Variants in RYR2 observed in about 807,000 individuals in gnomAD.
The protein encoded by RYR2 is cardiac muscle ryanodine receptor-calcium release channel.
In RYR2, 227 loss-of-function variants were observed where a neutral mutation model predicts 601.1. That is an observed-to-expected ratio of 0.38 (90% CI 0.34 to 0.42). The LOEUF is 0.42. Ranked by LOEUF, RYR2 falls within the 10% of genes least tolerant of loss-of-function variation. The pLI is 1.00. For missense variants in RYR2, 4,646 were observed against 6,156.5 expected (o/e 0.75, Z 8.21); for synonymous variants, 2,223 against 2,175.1 (o/e 1.02, Z -0.61).
chr1:237,303,212 T>C (rs1693532865), intron 2 of RYR2, among the ~76,000 whole-genome samples: 2 of 152,076 alleles, frequency 1.3e-5, no homozygotes. Context: ...TGATAACATA[T>C]TGCTTTGGTT....
chr1:237,548,511 T>G lies in RYR2; in HGVS notation c.2987T>G (p.Val996Gly). Reference protein sequence around the residue: ...IKLTPSQEAMVDKLAENAHNV... With the variant: ...IKLTPSQEAMGDKLAENAHNV... ...CTCACCCCATCACAAGAAGCAATGG[T>G]GGACAAGTTGGCAGAAAATGCACAT... Residue 996 changes from valine to glycine, a missense_variant, in exon 26 of 105, where the codon GTG becomes GGG. This residue lies in a region of RYR2 where 1,807 missense variants were observed against 2,088.1 expected (regional missense o/e 0.87). Transcript: ENST00000366574. 6.2e-7 allele frequency: 1 copy of G among 1,613,968 alleles called. No individual in the cohort carries two copies. The highest frequency in any genetic ancestry group is 8.5e-7 in the Non-Finnish European group (1 of 1,179,876).
intron 2 of RYR2, among the ~76,000 whole-genome samples, chr1:237,327,742 C>A (rs1696303790): frequency 6.6e-6 from 1 of 152,126 alleles, no homozygotes; most frequent in African/African-American, 2.4e-5. Flanking sequence ...ATTTTAAGTT[C>A]TTTTTATATT....
chr1:237,729,923 C>T (rs889385102), intron 76 of RYR2, among the ~76,000 whole-genome samples: 7 of 152,178 alleles, frequency 4.6e-5, no homozygotes, highest in East Asian at 1.9e-4. Flanking sequence ...CTAATCAATG[C>T]GATTTACATC....
At chr1:237,790,584 T>C (rs1157669717) in intron 92 of RYR2, among the ~76,000 whole-genome samples, 4 of 152,188 alleles carry the variant, frequency 2.6e-5, no homozygotes, top group Admixed American at 2.6e-4. Context: ...ACTGGAATAT[T>C]ACATTTATTA....
chr1:237,511,851 A>AAC, intron 24 of RYR2, 60 bp downstream of exon 24: 2 of 858,554 alleles, frequency 2.3e-6, no homozygotes, highest in Non-Finnish European at 3.2e-6. Flanking sequence ...AAAAAAAAAA[A>AAC]AAAAAAAACA....
intron 1 of RYR2, among the ~76,000 whole-genome samples, chr1:237,058,746 C>T (rs1662478597): frequency 6.7e-6 from 1 of 148,672 alleles, no homozygotes; most frequent in Non-Finnish European, 1.5e-5. Flanking sequence ...CCGGAGACTT[C>T]ACCATCTTCT....
In RYR2 at chr1:237,294,458, A is replaced by C. The variant is rs1692550096; in HGVS notation, c.168+23842A>C. 2.0e-5 allele frequency among the ~76,000 whole-genome samples: 3 copies of C among 152,188 alleles called. No individual in the cohort carries two copies. The South Asian group carries it at 6.2e-4, about 32-fold the overall frequency. ...CTTTGATAAGAAAAAAAAAAACCCA[A>C]ATCTCAATGGCTTTCAATACAGTGG... On this transcript the variant is annotated intron_variant, in intron 2 of 104. Transcript: ENST00000366574.
rs2102830805 is a variant in RYR2 at position 237,819,540 on chromosome 1, T to A, written c.14590+348T>A. ...TAACCCTTTAAACTTCTAAGCCAGC[T>A]GGGTGCGGTGGCTCATGCCTGTAAT... On this transcript the variant is annotated intron_variant, in intron 101 of 104. Coordinates refer to ENST00000366574, the MANE Select transcript of RYR2 (RefSeq NM_001035.3). This position sits in a 1 kb window ranked among gnomAD's most constrained non-coding sequence, Gnocchi z 4.0. 6.6e-6 allele frequency among the ~76,000 whole-genome samples: 1 copy of A among 152,282 alleles called. No homozygotes were observed. The highest frequency in any genetic ancestry group is 2.1e-4 in the South Asian group (1 of 4,830).
intron 1 of RYR2, among the ~76,000 whole-genome samples, chr1:237,262,046 T>C (rs561125110): frequency 1.7e-3 from 266 of 152,224 alleles, no homozygotes; most frequent in Middle Eastern, 6.8e-3. Context: ...TCTGAGTGAA[T>C]ATCTTTTAAA....
At chr1:237,181,536 G>GAGAGATGTTTTTGATGCTGTGAC (rs1164027906) in intron 1 of RYR2, among the ~76,000 whole-genome samples, 110 of 152,316 alleles carry the variant, frequency 7.2e-4, no homozygotes, top group Middle Eastern at 6.8e-3. Flanking sequence ...TGTGTCAGAT[G>GAGAGATGTTTTTGATGCTGTGAC]AGAGATGTTT....
At chr1:237,173,237 A>G (rs1298474419) in intron 1 of RYR2, among the ~76,000 whole-genome samples, 1 of 152,152 alleles carries the variant, frequency 6.6e-6, no homozygotes, top group Non-Finnish European at 1.5e-5. Context: ...AAAACAAAAA[A>G]GGAAGCAAGA....
intron 1 of RYR2, among the ~76,000 whole-genome samples, chr1:237,238,279 T>G (rs1685798886): frequency 6.6e-6 from 1 of 152,082 alleles, no homozygotes; most frequent in Non-Finnish European, 1.5e-5. Flanking sequence ...CCCTTAACTC[T>G]TTCAATCAGA....
At chr1:237,314,898 A>G (rs1694958697) in intron 2 of RYR2, among the ~76,000 whole-genome samples, 1 of 152,212 alleles carries the variant, frequency 6.6e-6, no homozygotes, top group Non-Finnish European at 1.5e-5. Flanking sequence ...AAATTAACAT[A>G]AACTGGGATT....
chr1:237,538,394 CAAAAAAAAAAAAAAAAAA>C (rs10551995), intron 25 of RYR2, among the ~76,000 whole-genome samples: 9 of 32,900 alleles, frequency 2.7e-4, no homozygotes, highest in Admixed American at 1.3e-3. Flanking sequence ...GACTCTGTCT[CAAAAAAAAAAAAAAAAAA>C]AAAAAAAAAA....
rs747904773 is a variant in RYR2 at position 237,342,873 on chromosome 1, G to A, written c.273+11891G>A. On this transcript the variant is annotated intron_variant, in intron 3 of 104. Coordinates refer to ENST00000366574, the MANE Select transcript of RYR2 (RefSeq NM_001035.3). ...GCCCTGGAAAATGTGAGCCATATGT[G>A]AGACAAGAAGAACATATTGAAAGCC... is the stretch of plus-strand genomic sequence containing the variant. Among the ~76,000 whole-genome samples, 7 of 152,170 alleles carry A rather than the reference G, an allele frequency of 4.6e-5. 1 individual carries two copies. The highest frequency in any genetic ancestry group is 2.6e-4 in the Admixed American group (4 of 15,282).
At chr1:237,411,551 G>A (rs918359841) in intron 10 of RYR2, among the ~76,000 whole-genome samples, 11 of 152,034 alleles carry the variant, frequency 7.2e-5, no homozygotes, top group African/African-American at 2.7e-4. Context: ...CCACAATCAT[G>A]GTCATGATCA....
chr1:237,742,306 A>C lies in RYR2; in HGVS notation c.11102A>C (p.Asp3701Ala). ...YADIMAKSCH[D>A]EEDDDGEEEV... ...TTTTTAAATATACAGAGTTGTCATG[A>C]TGAGGAAGATGACGATGGTGAAGAG... is the stretch of plus-strand genomic sequence containing the variant. The change falls in exon 80 of 105, where the codon GAT becomes GCT. Residue 3701 changes from aspartate (D) to alanine (A), a missense_variant. Transcript: ENST00000366574. 1 of 1,527,560 alleles carries C rather than the reference A, an allele frequency of 6.5e-7. No individual in the cohort carries two copies. The highest frequency in any genetic ancestry group is 8.9e-7 in the Non-Finnish European group (1 of 1,123,636). The allele number at this position is 1,527,560 out of a possible 1,614,324, so 94.6% of individuals were successfully genotyped here.
intron 16 of RYR2, among the ~76,000 whole-genome samples, chr1:237,459,165 T>A (rs533156782): frequency 6.6e-4 from 100 of 152,368 alleles, no homozygotes; most frequent in African/African-American, 2.4e-3. Flanking sequence ...AGTGTGGTGA[T>A]GTTTTTAACA....
intron 3 of RYR2, among the ~76,000 whole-genome samples, chr1:237,350,904 T>C (rs1187583571): frequency 6.6e-6 from 1 of 151,840 alleles, no homozygotes; most frequent in Admixed American, 6.6e-5. Context: ...ATCTGAACAG[T>C]ATGATTAATT....
Sources: allele counts gnomAD v4.1 joint callset (sites outside exome capture counted in the v4.1 genomes callset), GRCh38; gene constraint gnomAD v4.1.1; regional missense constraint gnomAD v4.1.1; non-coding constraint Gnocchi (gnomAD v3.1); transcripts MANE v1.5; gene names NCBI Gene and HGNC (gene_info 2026-07-23, HGNC 2026-07-21).